NBAS: variants seen among roughly 807,000 people sequenced by gnomAD.
The protein encoded by NBAS is NBAS subunit of NRZ tethering complex.
In NBAS, 219 loss-of-function variants were observed where a neutral mutation model predicts 302.5. That is an observed-to-expected ratio of 0.72 (90% confidence interval 0.65 to 0.81). NBAS has a LOEUF of 0.81. NBAS is among the 30% of genes least tolerant of loss of function. The pLI, the probability that NBAS is intolerant of heterozygous loss-of-function variation, is 0.00. For synonymous variants in NBAS, 1,118 were observed against 1,021.6 expected (o/e 1.09, Z -1.80); for missense variants, 2,932 against 2,841.6 (o/e 1.03, Z -0.72).
the NBAS span, among the ~76,000 whole-genome samples, chr2:15,064,103 C>T: frequency 3.3e-5 from 5 of 152,066 alleles, no homozygotes; most frequent in African/African-American, 9.6e-5. Context: ...TATCTGTCTT[C>T]GTTGTCGAAA....
chr2:15,193,846 C>T (rs1242185332), intron 48 of NBAS, among the ~76,000 whole-genome samples: 3 of 152,070 alleles, frequency 2.0e-5, no homozygotes, highest in African/African-American at 4.8e-5. Context: ...TTATCCACTT[C>T]TCTCTGCTCC....
chr2:15,226,310 A>G (rs1427398790), intron 47 of NBAS, among the ~76,000 whole-genome samples: 1 of 152,174 alleles, frequency 6.6e-6, no homozygotes, highest in African/African-American at 2.4e-5. Flanking sequence ...CCTTGTTTTT[A>G]AAATATTTGA....
the NBAS span, among the ~76,000 whole-genome samples, chr2:14,934,013 AG>A: frequency 6.6e-6 from 1 of 152,206 alleles, no homozygotes; most frequent in Non-Finnish European, 1.5e-5. Context: ...ACAAATATGG[AG>A]AGTAGTGTAA....
intron 11 of NBAS, among the ~76,000 whole-genome samples, chr2:15,492,620 C>T (rs567926551): frequency 1.3e-5 from 2 of 152,068 alleles, no homozygotes; most frequent in South Asian, 4.1e-4. Flanking sequence ...CCATGCCTGG[C>T]TAACTTTTGT....
chr2:15,503,823 G>A (rs922361243), intron 11 of NBAS, among the ~76,000 whole-genome samples: 1 of 152,206 alleles, frequency 6.6e-6, no homozygotes, highest in Non-Finnish European at 1.5e-5. Context: ...CACAAGATTT[G>A]TAAAGATAAA....
the NBAS span, among the ~76,000 whole-genome samples, chr2:14,938,384 T>C: frequency 3.9e-5 from 6 of 152,290 alleles, no homozygotes; most frequent in East Asian, 1.2e-3. Context: ...GCAGGGATGA[T>C]TATGTCCAGG....
chr2:14,949,856 A>G, the NBAS span, among the ~76,000 whole-genome samples: 1 of 152,184 alleles, frequency 6.6e-6, no homozygotes, highest in Admixed American at 6.5e-5. Context: ...CCTCATGAAG[A>G]TAGAAAGTAG....
At chr2:14,792,128 G>A in the NBAS span, among the ~76,000 whole-genome samples, 1 of 152,104 alleles carries the variant, frequency 6.6e-6, no homozygotes, top group South Asian at 2.1e-4. Context: ...AGCATCACCT[G>A]TTAACCCAAG....
the NBAS span, among the ~76,000 whole-genome samples, chr2:15,052,552 C>A: frequency 6.6e-6 from 1 of 152,208 alleles, no homozygotes; most frequent in Non-Finnish European, 1.5e-5. Flanking sequence ...TAACTCACCT[C>A]GAATGTTGTG....
At chr2:14,895,317 A>T in the NBAS span, among the ~76,000 whole-genome samples, 17 of 152,352 alleles carry the variant, frequency 1.1e-4, no homozygotes, top group Admixed American at 1.0e-3. Context: ...ATTTACTTAT[A>T]AAAATCCTAG....
chr2:15,397,329 G>A, intron 26 of NBAS: 1 of 224,660 alleles, frequency 4.5e-6, no homozygotes, highest in Non-Finnish European at 8.6e-6. Flanking sequence ...CTAAACTCCA[G>A]CAAGATCTTA....
At chr2:15,302,858 G>A (rs1017242531) in intron 40 of NBAS, among the ~76,000 whole-genome samples, 3 of 152,136 alleles carry the variant, frequency 2.0e-5, no homozygotes, top group African/African-American at 7.2e-5. Flanking sequence ...AAGAAGGTGG[G>A]AGAAGCCAAC....
chr2:15,508,684 T>A (rs1661989910), intron 10 of NBAS, among the ~76,000 whole-genome samples: 1 of 152,144 alleles, frequency 6.6e-6, no homozygotes, highest in Non-Finnish European at 1.5e-5. Context: ...TTAAAATTTT[T>A]TTTTTTACTG....
At chr2:14,930,772 T>C in the NBAS span, among the ~76,000 whole-genome samples, 3 of 152,234 alleles carry the variant, frequency 2.0e-5, no homozygotes, top group African/African-American at 7.2e-5. Context: ...GATTTTATGA[T>C]TGACCAATCT....
At chr2:15,512,199 T>G (rs1314154983) in intron 9 of NBAS, among the ~76,000 whole-genome samples, 2 of 152,348 alleles carry the variant, frequency 1.3e-5, no homozygotes, top group Admixed American at 6.5e-5. Flanking sequence ...TATTTAGAGT[T>G]GGCATATCAG....
rs192842597 is a variant in NBAS at position 15,225,092 on chromosome 2, A to G, written c.6237-6124T>C. Among the ~76,000 whole-genome samples, 4 of 152,338 alleles carry G rather than the reference A, an allele frequency of 2.6e-5. No homozygotes were observed. The East Asian group carries it at 7.7e-4, about 29-fold the overall frequency. ...GGATGTTGGTATGCACACAATTCCA[A>G]TCTCAAAGCTTGACTCCTGATAAAT... On this transcript the variant is annotated intron_variant, in intron 47 of 51. Transcript: ENST00000281513.
chr2:15,217,776 G>A (rs1666720499), intron 48 of NBAS, among the ~76,000 whole-genome samples: 1 of 152,138 alleles, frequency 6.6e-6, no homozygotes, highest in South Asian at 2.1e-4. Flanking sequence ...AATCAATAAG[G>A]ATTTAAACTC....
At chr2:14,829,071 A>T in the NBAS span, among the ~76,000 whole-genome samples, 1 of 151,794 alleles carries the variant, frequency 6.6e-6, no homozygotes, top group African/African-American at 2.4e-5. Flanking sequence ...TCAAGACTCA[A>T]AGTCACCTGA....
chr2:14,912,229 G>A, the NBAS span, among the ~76,000 whole-genome samples: 1 of 152,224 alleles, frequency 6.6e-6, no homozygotes, highest in East Asian at 1.9e-4. Context: ...TGACCAAAAC[G>A]TTACTAGGTG....
Sources: gnomAD v4.1 joint callset for allele counts (sites outside exome capture counted in the v4.1 genomes callset) on GRCh38, gnomAD v4.1.1 for gene constraint, MANE v1.5 for transcripts, NCBI Gene and HGNC (gene_info 2026-07-23, HGNC 2026-07-21) for gene names.